The following ZNF230 variants were observed in gnomAD, a reference collection of about 807,000 sequenced individuals.
The protein encoded by ZNF230 is zinc finger protein 230.
Under a neutral mutation model 10.0 loss-of-function variants are expected in ZNF230, and 12 were observed. That is an observed-to-expected ratio of 1.20 (90% CI 0.77 to 1.95). The LOEUF (loss-of-function observed/expected upper bound fraction) is 1.95. ZNF230 is among the 30% of genes most tolerant of loss of function. The pLI is 0.00. For synonymous variants in ZNF230, 174 were observed against 193.6 expected, an observed-to-expected ratio of 0.90 and a Z score of 0.84; for missense variants, 532 against 565.8, an observed-to-expected ratio of 0.94 and a Z score of 0.61.
Position 44,008,080 on chromosome 19 carries a change from C to T in ZNF230, c.16-710C>T, listed in dbSNP as rs184576042. Among the ~76,000 whole-genome samples the T allele has an allele frequency of 2.4e-3, 360 of 152,304 alleles. 1 individual carries two copies. Among genetic ancestry groups the T allele is most frequent in the African/African-American group, 7.9e-3 (328 of 41,558 alleles). ...AAGCTGCCTAGAGTGGGTGGAGTCACGACTGCACTTGCCCCATTTGCACCA... is the reference window on the plus strand; with the variant it reads ...AAGCTGCCTAGAGTGGGTGGAGTCATGACTGCACTTGCCCCATTTGCACCA... On this transcript the variant is annotated intron_variant, in intron 2 of 4. Transcript: ENST00000429154.
In ZNF230 at chr19:44,011,360, G is replaced by A; in HGVS notation, c.1321G>A (p.Asp441Asn). The change falls in exon 5 of 5, where the codon GAC (aspartate) becomes AAC (asparagine). Residue 441 changes from aspartate to asparagine, a missense_variant. Asp to Asn is a conservative substitution (Grantham distance 23). Coordinates refer to ENST00000429154, the MANE Select transcript of ZNF230 (RefSeq NM_006300.4). ...GTCTTTCTGTAAAGACCAACAAGGA[G>A]ACCACAATGGAGAAAACTCATCCAA... The part of the protein sequence containing the change: ...HRSFCKDQQG[D>N]HNGENSSKCE... 6.2e-7 allele frequency: 1 copy of A among 1,613,984 alleles called. No homozygotes were observed. The highest frequency in any genetic ancestry group is 8.5e-7 in the Non-Finnish European group (1 of 1,179,912).
rs1976168770 is a variant in ZNF230, at chr19:44,010,548, G to A, written c.509G>A (p.Cys170Tyr). 6.2e-7 allele frequency: 1 copy of A among 1,614,224 alleles called. No homozygotes were observed. Among genetic ancestry groups the A allele is most frequent in the Non-Finnish European group, 8.5e-7 (1 of 1,180,038 alleles). ...QFHSGEKSHT[C>Y]NECGKSFCYI... ...CACTCAGGAGAGAAGTCTCATACAT[G>A]CAATGAGTGTGGAAAAAGCTTCTGT... Residue 170 changes from cysteine to tyrosine, a missense_variant, in exon 5 of 5, where the codon TGC (cysteine) becomes TAC (tyrosine). Coordinates refer to ENST00000429154, the MANE Select transcript of ZNF230 (RefSeq NM_006300.4).
Position 44,011,319 on chromosome 19 carries a change from A to G in ZNF230, c.1280A>G (p.Lys427Arg). 6.2e-7 allele frequency: 1 copy of G among 1,614,190 alleles called. No individual in the cohort carries two copies. Among genetic ancestry groups the G allele is most frequent in the Non-Finnish European group, 8.5e-7 (1 of 1,180,018 alleles). The change falls in exon 5 of 5, where the codon AAG becomes AGG. Residue 427 changes from lysine (K) to arginine (R), a missense_variant. By Grantham distance (26) the Lys-to-Arg change is conservative. Transcript: ENST00000429154. ...CCCTTCAAATGTGAGGATTGTGGAAAGAGGCTTGTACACCGGTCTTTCTGT... is the reference window on the plus strand; with the variant it reads ...CCCTTCAAATGTGAGGATTGTGGAAGGAGGCTTGTACACCGGTCTTTCTGT... ...KKPFKCEDCG[K>R]RLVHRSFCKD...
Position 44,011,058 on chromosome 19 carries a change from A to C in ZNF230, c.1019A>C (p.Glu340Ala). The C allele has an allele frequency of 6.2e-7, 1 of 1,614,228 alleles. No homozygotes were observed. Among genetic ancestry groups the C allele is most frequent in the Non-Finnish European group, 8.5e-7 (1 of 1,180,036 alleles). Residue 340 changes from glutamate (E) to alanine (A), a missense_variant, in exon 5 of 5, where the codon GAA becomes GCA. Physicochemically the swap from Glu to Ala is moderately radical, Grantham distance 107. Transcript: ENST00000429154. ...GGACAGAAACCGTACAATTGTAAAG[A>C]ATGTGGGAAGAGCTTCAGATGGTCC... ...HTGQKPYNCK[E>A]CGKSFRWSSY...
At chr19:44,007,394 C>T (rs1976133237) in intron 2 of ZNF230, among the ~76,000 whole-genome samples, 1 of 152,186 alleles carries the variant, frequency 6.6e-6, no homozygotes. Context: ...GTTCCTTGTA[C>T]ATTCATAACT....
rs1231231702 is a variant in ZNF230 at position 44,012,147 on chromosome 19, G to A, written c.*683G>A. ...TATGCCTCAGAGGCTTGACACAAGA[G>A]CAAAACTATGGAAGTGTGGCTAGGG... is the stretch of plus-strand genomic sequence containing the variant. On this transcript the variant is annotated 3_prime_UTR_variant, in exon 5 of 5. Coordinates refer to ENST00000429154, the MANE Select transcript of ZNF230 (RefSeq NM_006300.4). 6 of 294,618 alleles carry A rather than the reference G, an allele frequency of 2.0e-5. No individual in the cohort carries two copies. Among genetic ancestry groups the A allele is most frequent in the Non-Finnish European group, 4.0e-5 (6 of 151,252 alleles). The allele number at this position is 294,618 out of a possible 1,614,324, so 18.3% of individuals were successfully genotyped here.
chr19:44,003,962 G>C (rs1976095140), intron 1 of ZNF230: 1 of 152,236 alleles, frequency 6.6e-6, no homozygotes, highest in Non-Finnish European at 1.5e-5. Flanking sequence ...CAGCCAACTA[G>C]TGAGAGGTAG....
intron 4 of ZNF230, among the ~76,000 whole-genome samples, chr19:44,009,531 A>G (rs1422644380): frequency 6.6e-6 from 1 of 152,084 alleles, no homozygotes; most frequent in Non-Finnish European, 1.5e-5. Flanking sequence ...CCCTTGCATC[A>G]TCTTTTCCAG....
rs1209020279 is a variant in ZNF230, at chr19:44,012,505, G to A, written c.*1041G>A. 1 of 518,154 alleles carries A rather than the reference G, an allele frequency of 1.9e-6. No individual in the cohort carries two copies. Among genetic ancestry groups the A allele is most frequent in the Non-Finnish European group, 3.9e-6 (1 of 259,548 alleles). 32.1% of individuals were successfully genotyped at this position (518,154 alleles called of 1,614,324 possible). A position where few individuals can be genotyped will look rare whatever the true frequency, so the allele number is the denominator to read the frequency against. ...AGGACCATCGTAGTAGAGAACTCTTGTAAATTGTGCAGTAGGGTTGCAAAC... is the reference window on the plus strand; with the variant it reads ...AGGACCATCGTAGTAGAGAACTCTTATAAATTGTGCAGTAGGGTTGCAAAC... On this transcript the variant is annotated 3_prime_UTR_variant, in exon 5 of 5. Transcript: ENST00000429154.
chr19:44,011,099 C>T lies in ZNF230; in HGVS notation c.1060C>T (p.His354Tyr). The change falls in exon 5 of 5, where the codon CAT becomes TAT. Residue 354 changes from histidine to tyrosine, a missense_variant. By Grantham distance (83) the His-to-Tyr change is moderately conservative. Transcript: ENST00000429154. ...CAGATGGTCCTCATATCTTTTGATC[C>T]ATCAGCGAATCCACAGTGGAGAAAA... ...SFRWSSYLLI[H>Y]QRIHSGEKPY... is the part of the protein sequence containing the mutation. 6.2e-7 allele frequency: 1 copy of T among 1,614,174 alleles called. No homozygotes were observed. Among genetic ancestry groups the T allele is most frequent in the Non-Finnish European group, 8.5e-7 (1 of 1,180,018 alleles).
At position 44,010,752 on chromosome 19, in the gene ZNF230, T is replaced by TGAA. The variant is rs758611038; in HGVS notation, c.713_714insGAA (p.Ile238delinsMetLys). The TGAA allele has an allele frequency of 1.2e-6, 2 of 1,614,188 alleles. No individual in the cohort carries two copies. The highest frequency in any genetic ancestry group is 8.5e-7 in the Non-Finnish European group (1 of 1,180,026). On this transcript the variant is annotated protein_altering_variant, in exon 5 of 5. Coordinates refer to ENST00000429154, the MANE Select transcript of ZNF230 (RefSeq NM_006300.4). The stretch of plus-strand genomic sequence containing the variant: ...GGGAAAGGCTTCAGATGTAGAGCGA[T>TGAA]ACTTCAAGTTCACTGCAAATTACAC...
chr19:44,007,033 G>A lies in ZNF230; in HGVS notation c.-46G>A, dbSNP rs757274777. The A allele has an allele frequency of 3.2e-6, 5 of 1,541,026 alleles. No individual in the cohort carries two copies. In the East Asian group the frequency reaches 1.1e-4, roughly 35 times the overall value. On this transcript the variant is annotated 5_prime_UTR_variant, in exon 2 of 5. Coordinates refer to ENST00000429154, the MANE Select transcript of ZNF230 (RefSeq NM_006300.4). ...CAGGCACAATTCCACCTTCCTTTGT[G>A]CTCCATTACTCAAGACACTGAAGAC...
Position 44,003,053 on chromosome 19 carries a change from G to T in ZNF230, c.-123G>T. The T allele has an allele frequency of 6.6e-6, 1 of 152,328 alleles. No individual in the cohort carries two copies. The highest frequency in any genetic ancestry group is 2.0e-4 in the South Asian group (1 of 4,956). 9.4% of individuals were successfully genotyped at this position (152,328 alleles called of 1,614,324 possible). A position where few individuals can be genotyped will look rare whatever the true frequency, so the allele number is the denominator to read the frequency against. On this transcript the variant is annotated 5_prime_UTR_variant, in exon 1 of 5. Coordinates refer to ENST00000429154, the MANE Select transcript of ZNF230 (RefSeq NM_006300.4). ...TGTCACCTTCGCTTGGGGTCGCAACGACCCGATGATCGATGATCCAAGCAA... is the reference window on the plus strand; with the variant it reads ...TGTCACCTTCGCTTGGGGTCGCAACTACCCGATGATCGATGATCCAAGCAA...
At position 44,011,208 on chromosome 19, in the gene ZNF230, G is replaced by C; in HGVS notation, c.1169G>C (p.Arg390Thr). Residue 390 changes from arginine to threonine, a missense_variant, in exon 5 of 5, where the codon AGA (arginine) becomes ACA (threonine). Coordinates refer to ENST00000429154, the MANE Select transcript of ZNF230 (RefSeq NM_006300.4). ...CACCAGAGGGTCCATACTGGAGAGA[G>C]ACCTTATAATTGTAAGGAATGTGGG... Reference protein sequence around the residue: ...NLHQRVHTGERPYNCKECGKS... With the variant: ...NLHQRVHTGETPYNCKECGKS... The C allele has an allele frequency of 6.2e-7, 1 of 1,614,008 alleles. No homozygotes were observed. Among genetic ancestry groups the C allele is most frequent in the Non-Finnish European group, 8.5e-7 (1 of 1,179,946 alleles).
In ZNF230 at chr19:44,010,318, G is replaced by A. The variant is rs755680715; in HGVS notation, c.279G>A (p.Gln93=). The change falls in exon 5 of 5, where the codon CAG becomes CAA. Residue 93 remains glutamine (Q), a synonymous_variant. Coordinates refer to ENST00000429154, the MANE Select transcript of ZNF230 (RefSeq NM_006300.4). ...EAGPHEDCPC[Q]QIWEQTASDL... ...GACCACATGAAGACTGCCCTTGCCA[G>A]CAAATCTGGGAACAAACTGCAAGTG... 3.7e-6 allele frequency: 6 copies of A among 1,613,912 alleles called. No individual in the cohort carries two copies. Among genetic ancestry groups the A allele is most frequent in the South Asian group, 1.1e-5 (1 of 91,044 alleles).
Position 44,011,469 on chromosome 19 carries a change from T to C in ZNF230, c.*5T>C, listed in dbSNP as rs1976182836. ...TTATTTTTAAATGATATGTAAGTTG[T>C]ACATATATATGGGATATGGTATGAA... On this transcript the variant is annotated 3_prime_UTR_variant, in exon 5 of 5. Coordinates refer to ENST00000429154, the MANE Select transcript of ZNF230 (RefSeq NM_006300.4). 17 of 1,571,870 alleles carry C rather than the reference T, an allele frequency of 1.1e-5. No homozygotes were observed. Among genetic ancestry groups the C allele is most frequent in the Non-Finnish European group, 1.5e-5 (17 of 1,161,658 alleles).
chr19:44,005,299 G>A (rs1440005007), intron 1 of ZNF230, among the ~76,000 whole-genome samples: 1 of 152,042 alleles, frequency 6.6e-6, no homozygotes, highest in Non-Finnish European at 1.5e-5. Context: ...AATACCACCA[G>A]GAACATAACT....
rs1367229269 is a variant in ZNF230, at chr19:44,010,516, G to A, written c.477G>A (p.Gln159=). 6.2e-7 allele frequency: 1 copy of A among 1,614,240 alleles called. No individual in the cohort carries two copies. Among genetic ancestry groups the A allele is most frequent in the East Asian group, 2.2e-5 (1 of 44,888 alleles). Residue 159 remains glutamine, a synonymous_variant, in exon 5 of 5, where the codon CAG becomes CAA. Transcript: ENST00000429154. ...FSDVAIFDPP[Q]QFHSGEKSHT... is the part of the protein sequence containing the mutation. ...ATGTTGCCATCTTTGATCCTCCTCA[G>A]CAGTTCCACTCAGGAGAGAAGTCTC...
rs752901067 is a variant in ZNF230, at chr19:44,009,107, C to T, written c.166C>T (p.His56Tyr). The change falls in exon 4 of 5, where the codon CAC becomes TAC. Residue 56 changes from histidine to tyrosine, a missense_variant. By Grantham distance (83) the His-to-Tyr change is moderately conservative (BLOSUM62 2). Transcript: ENST00000429154. ...SVGHQPFHPF[H>Y]FLREEKFWMM... Reference sequence around the variant, plus strand: ...AGGGCATCAACCATTCCACCCTTTCCACTTCCTAAGGGAAGAAAAGTTTTG... The same window carrying T: ...AGGGCATCAACCATTCCACCCTTTCTACTTCCTAAGGGAAGAAAAGTTTTG... The T allele has an allele frequency of 3.1e-6, 5 of 1,614,062 alleles. No homozygotes were observed. In the East Asian group the frequency reaches 6.7e-5, roughly 22 times the overall value.
Sources: allele counts gnomAD v4.1 joint callset (sites outside exome capture counted in the v4.1 genomes callset), GRCh38; gene constraint gnomAD v4.1.1; transcripts MANE v1.5; gene names NCBI Gene and HGNC (gene_info 2026-07-23, HGNC 2026-07-21).